Variants in EBF3 observed in about 807,000 individuals in gnomAD.
EBF3 encodes transcription factor COE3.
Under a neutral mutation model 77.1 loss-of-function variants are expected in EBF3, and 18 were observed. The ratio of observed to expected loss-of-function variants is 0.23; its 90% CI spans 0.16 to 0.35. EBF3 has a LOEUF of 0.35. Ranked by LOEUF, EBF3 falls within the 10% of genes least tolerant of loss-of-function variation. The pLI is 1.00. For missense variants in EBF3, 558 were observed against 860.0 expected (o/e 0.65, Z 4.39); for synonymous variants, 350 against 343.5 (o/e 1.02, Z -0.21).
chr10:129,951,653 C>T (rs1198058451), intron 6 of EBF3, among the ~76,000 whole-genome samples: 1 of 152,252 alleles, frequency 6.6e-6, no homozygotes, highest in East Asian at 1.9e-4. Context: ...GCCTCCTAGG[C>T]CTAGGCCAGA....
rs1590032581 is a variant in EBF3 at position 129,840,785 on chromosome 10, C to T, written c.1561+59G>A. 14 of 1,561,888 alleles carry T rather than the reference C, an allele frequency of 9.0e-6. No individual in the cohort carries two copies. In the East Asian group the frequency reaches 1.6e-4, roughly 18 times the overall value. On this transcript the variant is annotated intron_variant, in intron 14 of 16. Transcript: ENST00000440978. ...ACAGAACATCCAAGCAATGCACACA[C>T]TCGACTCGGTAGTGAATATGAATCT...
intron 6 of EBF3, among the ~76,000 whole-genome samples, chr10:129,887,366 C>G (rs958115149): frequency 6.6e-6 from 1 of 152,124 alleles, no homozygotes; most frequent in Non-Finnish European, 1.5e-5. Context: ...GTCTTGTTAC[C>G]GAGCATAAAA....
chr10:129,962,340 A>G (rs754267726), intron 3 of EBF3, 114 bp from the exon 4 acceptor site: 57 of 882,778 alleles, frequency 6.5e-5, no homozygotes, highest in Non-Finnish European at 5.5e-6. Context: ...GATGCAGCAG[A>G]ACTTAGGCAA....
At chr10:129,936,724 A>G (rs1857388236) in intron 6 of EBF3, among the ~76,000 whole-genome samples, 1 of 140,400 alleles carries the variant, frequency 7.1e-6, no homozygotes, top group Non-Finnish European at 1.5e-5. Context: ...CTGTGTGGGG[A>G]CCCAGGGGGC....
chr10:129,954,827 C>G (rs140782603), intron 6 of EBF3, among the ~76,000 whole-genome samples: 2 of 152,202 alleles, frequency 1.3e-5, no homozygotes, highest in African/African-American at 4.8e-5. Context: ...AAACTGACTC[C>G]CCAGTCTGGT....
rs775988240 is a variant in EBF3 at position 129,963,307 on chromosome 10, G to C, written c.291+60C>G. ...GGGGGCACTCGAACCCCCGCGCACC[G>C]GCACCGCCTGCCTCCCGCTTCTAGA... On this transcript the variant is annotated intron_variant, in intron 2 of 16. Transcript: ENST00000440978. The surrounding 1 kb of genome is among the most constrained non-coding windows in gnomAD (Gnocchi z 7.1). 6.5e-7 allele frequency: 1 copy of C among 1,547,252 alleles called. No individual in the cohort carries two copies. Among genetic ancestry groups the C allele is most frequent in the Non-Finnish European group, 8.7e-7 (1 of 1,149,598 alleles).
intron 5 of EBF3, among the ~76,000 whole-genome samples, chr10:129,958,374 GT>G (rs1392645594): frequency 3.3e-5 from 5 of 152,152 alleles, no homozygotes; most frequent in Admixed American, 3.3e-4. Flanking sequence ...AACTCTTGTG[GT>G]AGTTAGAAAA....
rs1852088696 is a variant in EBF3, at chr10:129,867,277, C to T, written c.913-10G>A. 1.2e-6 allele frequency: 2 copies of T among 1,613,818 alleles called. No individual in the cohort carries two copies. Among genetic ancestry groups the T allele is most frequent in the African/African-American group, 2.7e-5 (2 of 74,926 alleles). On this transcript the variant is annotated splice_polypyrimidine_tract_variant and intron_variant, in intron 9 of 16. Transcript: ENST00000440978. ...CATGGGGAGTTATCAGCTACAAAAA[C>T]CACACGGTGAACAGGCGCTCAGCGG...
intron 6 of EBF3, among the ~76,000 whole-genome samples, chr10:129,883,990 G>C (rs149362140): frequency 9.2e-5 from 14 of 152,328 alleles, no homozygotes; most frequent in South Asian, 2.1e-4. Context: ...CGTGATCCGA[G>C]GCCCTCATGG....
At chr10:129,955,453 T>C (rs1167681626) in intron 6 of EBF3, among the ~76,000 whole-genome samples, 2 of 152,228 alleles carry the variant, frequency 1.3e-5, no homozygotes, top group Admixed American at 6.5e-5. Flanking sequence ...GCTTCTAGAA[T>C]ATCAAATAAT....
intron 6 of EBF3, among the ~76,000 whole-genome samples, chr10:129,903,277 A>C (rs937817341): frequency 2.6e-5 from 4 of 152,238 alleles, no homozygotes; most frequent in African/African-American, 9.6e-5. Context: ...GCCAATTTCC[A>C]AAGTAATATT....
intron 6 of EBF3, among the ~76,000 whole-genome samples, chr10:129,924,017 G>A (rs938670840): frequency 1.3e-5 from 2 of 152,230 alleles, no homozygotes; most frequent in Admixed American, 1.3e-4. Context: ...AATGGCCGAT[G>A]TATGTCTTCT....
chr10:129,845,165 A>G (rs1054486115), intron 11 of EBF3, among the ~76,000 whole-genome samples: 1 of 152,226 alleles, frequency 6.6e-6, no homozygotes, highest in African/African-American at 2.4e-5. Context: ...TGGTCTTGTC[A>G]TATCAGAGAG....
At position 129,861,065 on chromosome 10, in the gene EBF3, C is replaced by T. The variant is rs1427611859; in HGVS notation, c.1039+6076G>A. Among the ~76,000 whole-genome samples, 4 of 152,214 alleles carry T rather than the reference C, an allele frequency of 2.6e-5. No homozygotes were observed. The highest frequency in any genetic ancestry group is 2.4e-5 in the African/African-American group (1 of 41,464). On this transcript the variant is annotated intron_variant, in intron 10 of 16. Transcript: ENST00000440978. The surrounding 1 kb of genome is among the most constrained non-coding windows in gnomAD (Gnocchi z 4.3). ...ACAGCAGTGACCCTGGAAGCCCTCC[C>T]GGCCCCACTCTTCAAAGGGCCGTGT...
chr10:129,846,410 C>T (rs1011732094), intron 11 of EBF3, among the ~76,000 whole-genome samples: 4 of 151,898 alleles, frequency 2.6e-5, no homozygotes. Context: ...TGCGGGGTGA[C>T]GCCGAGGAGG....
At chr10:129,895,998 T>G (rs555598859) in intron 6 of EBF3, among the ~76,000 whole-genome samples, 1 of 152,362 alleles carries the variant, frequency 6.6e-6, no homozygotes, top group East Asian at 1.9e-4. Flanking sequence ...ATTAGCAAAT[T>G]ATGCTGAAAA....
At chr10:129,945,785 C>T (rs11017026) in intron 6 of EBF3, among the ~76,000 whole-genome samples, 1,759 of 152,156 alleles carry the variant, frequency 0.012, 16 homozygotes, top group African/African-American at 0.031. Flanking sequence ...CCCCTGTCAC[C>T]GCTCCCTTCG....
chr10:129,893,952 G>A (rs1854194265), intron 6 of EBF3, among the ~76,000 whole-genome samples: 1 of 152,192 alleles, frequency 6.6e-6, no homozygotes, highest in African/African-American at 2.4e-5. Context: ...TCCGTTTGGG[G>A]TGAACAAAGC....
chr10:129,948,730 T>C (rs1858434956), intron 6 of EBF3, among the ~76,000 whole-genome samples: 1 of 152,130 alleles, frequency 6.6e-6, no homozygotes, highest in African/African-American at 2.4e-5. Flanking sequence ...TTTTAAAGCG[T>C]TATGAGAACA....
Sources: allele counts gnomAD v4.1 joint callset (sites outside exome capture counted in the v4.1 genomes callset), GRCh38; gene constraint gnomAD v4.1.1; non-coding constraint Gnocchi (gnomAD v3.1); transcripts MANE v1.5; gene names NCBI Gene and HGNC (gene_info 2026-07-23, HGNC 2026-07-21).